MYRIP: variants seen among roughly 807,000 people sequenced by gnomAD.
MYRIP encodes the protein myosin VIIA and Rab interacting protein.
MYRIP carries 49 observed loss-of-function variants against 98.0 expected under a neutral mutation model. The ratio of observed to expected loss-of-function variants is 0.50; its 90% CI spans 0.40 to 0.63. MYRIP has a LOEUF of 0.63. MYRIP is among the 30% of genes least tolerant of loss of function. The pLI, the probability that MYRIP is intolerant of heterozygous loss-of-function variation, is 0.00. For missense variants in MYRIP, 1,004 were observed against 1,058.2 expected (o/e 0.95, Z 0.71); for synonymous variants, 404 against 409.5 (o/e 0.99, Z 0.16).
chr3:40,218,622 A>ATATATATATATAT (rs1952216141), intron 11 of MYRIP, among the ~76,000 whole-genome samples: 1 of 12,754 alleles, frequency 7.8e-5, no homozygotes, highest in Non-Finnish European at 2.8e-4. Flanking sequence ...TTATATATAT[A>ATATATATATATAT]TATATATATA....
At chr3:40,130,237 T>C (rs957876680) in intron 3 of MYRIP, among the ~76,000 whole-genome samples, 1 of 152,202 alleles carries the variant, frequency 6.6e-6, no homozygotes, top group Non-Finnish European at 1.5e-5. Flanking sequence ...GTTCAGTCAG[T>C]GACATATCAG....
intron 11 of MYRIP, among the ~76,000 whole-genome samples, chr3:40,225,794 G>A (rs568475492): frequency 3.9e-5 from 6 of 152,142 alleles, no homozygotes; most frequent in South Asian, 2.1e-4. Context: ...AGTCTCTCGC[G>A]AACAACATTC....
At chr3:39,896,997 A>G (rs1943624995) in intron 1 of MYRIP, among the ~76,000 whole-genome samples, 1 of 152,146 alleles carries the variant, frequency 6.6e-6, no homozygotes, top group Admixed American at 6.5e-5. Context: ...TTAAAGTTGC[A>G]TCCATCATCA....
chr3:40,214,143 A>G (rs1952045388), intron 11 of MYRIP, among the ~76,000 whole-genome samples: 3 of 152,140 alleles, frequency 2.0e-5, no homozygotes, highest in Admixed American at 2.0e-4. Flanking sequence ...ACTAAGACAA[A>G]CAGAAGAAAA....
chr3:39,905,444 A>G (rs1203417400), intron 2 of MYRIP, among the ~76,000 whole-genome samples: 2 of 152,144 alleles, frequency 1.3e-5, no homozygotes, highest in Non-Finnish European at 2.9e-5. Context: ...TGATGATTAT[A>G]TTATTATTTT....
intron 10 of MYRIP, among the ~76,000 whole-genome samples, chr3:40,202,756 C>A (rs1214602992): frequency 2.0e-5 from 3 of 152,048 alleles, no homozygotes; most frequent in African/African-American, 4.8e-5. Context: ...TTCATCAATA[C>A]AGAGTTCCAG....
chr3:39,999,992 C>T (rs1257414841), intron 2 of MYRIP, among the ~76,000 whole-genome samples: 2 of 134,006 alleles, frequency 1.5e-5, no homozygotes, highest in Non-Finnish European at 3.0e-5. Context: ...CACATGGACA[C>T]AGGAAGGAGA....
chr3:40,236,007 C>T (rs966653488), intron 12 of MYRIP, among the ~76,000 whole-genome samples: 2 of 152,198 alleles, frequency 1.3e-5, no homozygotes, highest in African/African-American at 4.8e-5. Flanking sequence ...TTAGTTTGTA[C>T]TCCTAAAAGC....
chr3:39,947,029 A>G (rs1376131245), intron 2 of MYRIP, among the ~76,000 whole-genome samples: 3 of 152,334 alleles, frequency 2.0e-5, no homozygotes, highest in Middle Eastern at 6.8e-3. Context: ...ACTTATAAGT[A>G]TATAAAAGTA....
At chr3:39,937,651 A>G (rs1344514648) in intron 2 of MYRIP, among the ~76,000 whole-genome samples, 1 of 152,266 alleles carries the variant, frequency 6.6e-6, no homozygotes, top group South Asian at 2.1e-4. Context: ...AAGAGCTACA[A>G]AGTGACCAGA....
chr3:39,887,463 G>C (rs1943340383), intron 1 of MYRIP, among the ~76,000 whole-genome samples: 1 of 151,872 alleles, frequency 6.6e-6, no homozygotes, highest in African/African-American at 2.4e-5. Context: ...AAAGGCCTTT[G>C]ACAAAATTCA....
chr3:40,008,525 A>G (rs956952961), intron 2 of MYRIP, among the ~76,000 whole-genome samples: 1 of 152,114 alleles, frequency 6.6e-6, no homozygotes, highest in African/African-American at 2.4e-5. Context: ...GGGAAACAGG[A>G]GAGTGTGGTA....
intron 10 of MYRIP, among the ~76,000 whole-genome samples, chr3:40,204,813 T>C (rs1347278948): frequency 6.6e-6 from 1 of 152,094 alleles, no homozygotes; most frequent in African/African-American, 2.4e-5. Context: ...TCTGCAGTGA[T>C]GGGGACCCTG....
intron 2 of MYRIP, among the ~76,000 whole-genome samples, chr3:40,030,121 G>C (rs1410055615): frequency 6.6e-6 from 1 of 151,460 alleles, no homozygotes; most frequent in Non-Finnish European, 1.5e-5. Flanking sequence ...GAGAGGGGAG[G>C]GGAGGAAGGG....
intron 3 of MYRIP, 29 bp from the exon 4 acceptor site, chr3:40,151,019 T>G (rs769249027): frequency 1.3e-6 from 2 of 1,521,490 alleles, no homozygotes; most frequent in South Asian, 2.5e-5. Context: ...TAATTCTAAT[T>G]TTGTGTTGTC....
chr3:40,097,273 A>G (rs1249986523), intron 3 of MYRIP, among the ~76,000 whole-genome samples: 1 of 152,210 alleles, frequency 6.6e-6, no homozygotes, highest in African/African-American at 2.4e-5. Context: ...AGAGAGATCA[A>G]GTAACTTGCC....
At chr3:40,223,136 T>C (rs1222274226) in intron 11 of MYRIP, among the ~76,000 whole-genome samples, 3 of 152,206 alleles carry the variant, frequency 2.0e-5, no homozygotes, top group African/African-American at 4.8e-5. Flanking sequence ...GGAAGAAAGA[T>C]GGTGTAAAGA....
intron 2 of MYRIP, among the ~76,000 whole-genome samples, chr3:39,957,461 T>C (rs1169906123): frequency 4.6e-5 from 7 of 152,090 alleles, no homozygotes; most frequent in Non-Finnish European, 1.0e-4. Context: ...AGAAAAGGCC[T>C]TCGAAAAAAT....
At chr3:40,015,301 G>T (rs1470357042) in intron 2 of MYRIP, among the ~76,000 whole-genome samples, 1 of 152,210 alleles carries the variant, frequency 6.6e-6, no homozygotes, top group African/African-American at 2.4e-5. Flanking sequence ...AATTTGTTCA[G>T]GTTTGTTGCA....
Sources: gnomAD v4.1 joint callset for allele counts (sites outside exome capture counted in the v4.1 genomes callset) on GRCh38, gnomAD v4.1.1 for gene constraint, MANE v1.5 for transcripts, NCBI Gene and HGNC (gene_info 2026-07-23, HGNC 2026-07-21) for gene names.